AMMECR1: variants seen among roughly 807,000 people sequenced by gnomAD.
AMMECR1 encodes nuclear protein AMMECR1.
AMMECR1 carries 3 observed loss-of-function variants against 22.5 expected under a neutral mutation model. The ratio of observed to expected loss-of-function variants is 0.13; its 90% CI spans 0.06 to 0.35. The LOEUF is 0.35. Among genes scored for constraint, AMMECR1 ranks in the 10% least tolerant of loss-of-function variants. The pLI is 1.00. For missense variants in AMMECR1, 235 were observed against 278.7 expected (o/e 0.84, Z 1.12); for synonymous variants, 130 against 116.7 (o/e 1.11, Z -0.74).
chrX:110,291,213 G>C (rs1458417797), intron 1 of AMMECR1, among the ~76,000 whole-genome samples: 2 of 111,429 alleles, frequency 1.8e-5, no homozygotes, highest in Non-Finnish European at 3.8e-5. Flanking sequence ...ATGTAAGGTA[G>C]ACATGTACAT....
Position 110,232,889 on chromosome X carries a change from C to CAA in AMMECR1, c.585-16259_585-16258dup, listed in dbSNP as rs775605567. Among the ~76,000 whole-genome samples, 23 of 11,912 alleles carry CAA rather than the reference C, an allele frequency of 1.9e-3. 3 individuals are homozygous for CAA. The highest frequency in any genetic ancestry group is 7.9e-3 in the African/African-American group (18 of 2,288). The allele number at this position is 11,912 out of a possible 115,157, so 10.3% of individuals were successfully genotyped here. On this transcript the variant is annotated intron_variant, in intron 2 of 5. Transcript: ENST00000262844. ...TGGGTGACAGAGCCAGACTCAGTCT[C>CAA]AAAAAAAAAAAAAAAAAAAAAAAAA...
At chrX:110,411,217 C>A (rs1273377187) in intron 2 of AMMECR1, among the ~76,000 whole-genome samples, 1 of 111,875 alleles carries the variant, frequency 8.9e-6, no homozygotes, top group East Asian at 2.8e-4. Flanking sequence ...GAGAATGGAG[C>A]TGTGATGAGT....
In AMMECR1 at chrX:110,292,382, CT is replaced by C. The variant is rs199681696; in HGVS notation, c.473+25216del. On this transcript the variant is annotated intron_variant, in intron 1 of 5. Transcript: ENST00000262844. Reference sequence around the variant, plus strand: ...CGTATTTACCCAAAGGAGCTGAAACCTTATGTCCACACAAAACCCACAGAAA... The same window carrying C: ...CGTATTTACCCAAAGGAGCTGAAACCTATGTCCACACAAAACCCACAGAAA... 7.2e-3 allele frequency among the ~76,000 whole-genome samples: 808 copies of C among 111,728 alleles called. 7 individuals are homozygous for C. Among genetic ancestry groups the C allele is most frequent in the African/African-American group, 0.025 (782 of 30,698 alleles).
intron 2 of AMMECR1, among the ~76,000 whole-genome samples, chrX:110,218,113 C>G (rs866961658): frequency 9.0e-6 from 1 of 110,968 alleles, no homozygotes; most frequent in African/African-American, 3.3e-5. Context: ...TTCCTACTGA[C>G]AAATAAAAGT....
At chrX:110,346,942 C>G (rs754263692) in intron 2 of AMMECR1, 3 of 534,051 alleles carry the variant, frequency 5.6e-6, no homozygotes, top group Non-Finnish European at 1.0e-5. Flanking sequence ...ATTCGTGGGT[C>G]GGTGGGTCGT....
intron 2 of AMMECR1, among the ~76,000 whole-genome samples, chrX:110,416,354 T>C (rs2068677507): frequency 8.9e-6 from 1 of 112,495 alleles, no homozygotes; most frequent in Non-Finnish European, 1.9e-5. Context: ...CGTTGTTTAA[T>C]GTTTACCATG....
At chrX:110,204,894 C>A (rs759515654) in intron 3 of AMMECR1, among the ~76,000 whole-genome samples, 1 of 111,774 alleles carries the variant, frequency 8.9e-6, no homozygotes, top group African/African-American at 3.2e-5. Context: ...ACCCCAAATT[C>A]TCCAATTTTG....
chrX:110,410,125 C>G (rs1312080468), intron 2 of AMMECR1, among the ~76,000 whole-genome samples: 1 of 111,680 alleles, frequency 9.0e-6, no homozygotes, highest in Non-Finnish European at 1.9e-5. Flanking sequence ...CCAGCTGAGT[C>G]ACCGACAGGG....
chrX:110,221,923 A>G (rs970265409), intron 2 of AMMECR1, among the ~76,000 whole-genome samples: 5 of 108,349 alleles, frequency 4.6e-5, no homozygotes, highest in South Asian at 8.2e-4. Context: ...TTAGAATGGC[A>G]ATCATTAAAA....
rs149687834 is a variant in AMMECR1, at chrX:110,313,407, G to C, written c.473+4192C>G. On this transcript the variant is annotated intron_variant, in intron 1 of 5. Coordinates refer to ENST00000262844, the MANE Select transcript of AMMECR1 (RefSeq NM_015365.3). Reference sequence around the variant, plus strand: ...GATTAAAATAAAAAGTTCAAGTAACGTGACACGCAGCAGCATTAAAGATAT... The same window carrying C: ...GATTAAAATAAAAAGTTCAAGTAACCTGACACGCAGCAGCATTAAAGATAT... 3.4e-4 allele frequency among the ~76,000 whole-genome samples: 38 copies of C among 112,217 alleles called. No homozygotes were observed. The East Asian group carries it at 1.0e-2, about 30-fold the overall frequency.
chrX:110,328,264 C>T (rs374916294), intron 2 of AMMECR1, among the ~76,000 whole-genome samples: 313 of 111,518 alleles, frequency 2.8e-3, no homozygotes, highest in African/African-American at 9.5e-3. Flanking sequence ...ACTTCATTTT[C>T]CTTATCTCTT....
intron 1 of AMMECR1, among the ~76,000 whole-genome samples, chrX:110,296,411 C>T (rs1293950612): frequency 9.0e-6 from 1 of 111,724 alleles, no homozygotes; most frequent in African/African-American, 3.2e-5. Flanking sequence ...CATGGAGCTT[C>T]TTGGATGTTA....
At chrX:110,270,472 T>C (rs979323720) in intron 1 of AMMECR1, among the ~76,000 whole-genome samples, 1 of 108,436 alleles carries the variant, frequency 9.2e-6, no homozygotes, top group Non-Finnish European at 1.9e-5. Flanking sequence ...TATAATATGG[T>C]TTTTTTTTCC....
At chrX:110,277,050 G>C (rs990040948) in intron 1 of AMMECR1, among the ~76,000 whole-genome samples, 1 of 110,831 alleles carries the variant, frequency 9.0e-6, no homozygotes, top group Non-Finnish European at 1.9e-5. Flanking sequence ...TCTGTTGCCC[G>C]ATGTCTAAAA....
At chrX:110,280,732 G>A (rs934362816) in intron 1 of AMMECR1, among the ~76,000 whole-genome samples, 2 of 111,375 alleles carry the variant, frequency 1.8e-5, no homozygotes, top group African/African-American at 6.5e-5. Context: ...CACATTTTTA[G>A]GATCATACTG....
chrX:110,327,965 C>T, intron 2 of AMMECR1, among the ~76,000 whole-genome samples: 1 of 111,701 alleles, frequency 9.0e-6, no homozygotes, highest in Non-Finnish European at 1.9e-5. Context: ...AAATGATGAA[C>T]ACAGAGAGAA....
intron 2 of AMMECR1, among the ~76,000 whole-genome samples, chrX:110,222,900 GA>G (rs1476052102): frequency 6.3e-5 from 7 of 111,629 alleles, no homozygotes; most frequent in Non-Finnish European, 1.3e-4. Context: ...TTAGGCTTTA[GA>G]GTGTTATCAC....
At chrX:110,254,996 A>G (rs1214073936) in intron 2 of AMMECR1, among the ~76,000 whole-genome samples, 2 of 111,962 alleles carry the variant, frequency 1.8e-5, no homozygotes, top group Non-Finnish European at 3.8e-5. Context: ...AGGTCATTAC[A>G]ATAACTTTTG....
intron 2 of AMMECR1, among the ~76,000 whole-genome samples, chrX:110,245,045 AAT>A (rs1379655762): frequency 8.9e-6 from 1 of 112,104 alleles, no homozygotes; most frequent in Admixed American, 9.5e-5. Flanking sequence ...AAAAAGCCAG[AAT>A]ATAAAGAGGG....
Sources: allele counts gnomAD v4.1 joint callset (sites outside exome capture counted in the v4.1 genomes callset), GRCh38; gene constraint gnomAD v4.1.1; transcripts MANE v1.5; gene names NCBI Gene and HGNC (gene_info 2026-07-23, HGNC 2026-07-21).